Variants in DENND5B observed in about 807,000 individuals in gnomAD.
DENND5B encodes the protein DENN domain containing 5B.
DENND5B carries 34 observed loss-of-function variants against 140.6 expected under a neutral mutation model. That is an observed-to-expected ratio of 0.24 (90% CI 0.18 to 0.32). The LOEUF (loss-of-function observed/expected upper bound fraction) is 0.32, where lower values mean the gene tolerates loss of function less well. Among genes scored for constraint, DENND5B ranks in the 10% least tolerant of loss-of-function variants. The pLI, the probability that DENND5B is intolerant of heterozygous loss-of-function variation, is 1.00. For synonymous variants in DENND5B, 551 were observed against 562.1 expected (o/e 0.98, Z 0.28); for missense variants, 1,142 against 1,560.2 (o/e 0.73, Z 4.52).
At position 31,387,674 on chromosome 12, in the gene DENND5B, G is replaced by A. The variant is rs981331087; in HGVS notation, c.3754C>T (p.Arg1252Ter). The change falls in exon 21 of 21, where the codon CGA becomes TGA. Residue 1252 changes from arginine (R) to a stop codon, truncating the protein, a stop_gained. Coordinates refer to ENST00000389082, the MANE Select transcript of DENND5B (RefSeq NM_144973.4). LOFTEE classifies it high-confidence loss of function. ...AAGTCCTGAATGGTCTGCAGAATTC[G>A]GATAAGGGAGTTGACAGTCATGCGG... ...RDRMTVNSLI[R>*]ILQTIQDFTI... 6.2e-7 allele frequency: 1 copy of A among 1,614,012 alleles called. No homozygotes were observed. Among genetic ancestry groups the A allele is most frequent in the Non-Finnish European group, 8.5e-7 (1 of 1,179,890 alleles).
At chr12:31,491,478 C>T (rs1014707314) in intron 2 of DENND5B, among the ~76,000 whole-genome samples, 1 of 151,556 alleles carries the variant, frequency 6.6e-6, no homozygotes, top group Non-Finnish European at 1.5e-5. Context: ...ATTAAATGTA[C>T]TGCACTCCAA....
intron 1 of DENND5B, among the ~76,000 whole-genome samples, chr12:31,518,013 C>CG (rs1947731520): frequency 6.6e-6 from 1 of 152,182 alleles, no homozygotes; most frequent in Admixed American, 6.5e-5. Flanking sequence ...AATAAAAAGC[C>CG]TGAGTTCCCA....
chr12:31,499,234 C>G (rs1294913795), intron 1 of DENND5B, among the ~76,000 whole-genome samples: 1 of 152,018 alleles, frequency 6.6e-6, no homozygotes, highest in African/African-American at 2.4e-5. Flanking sequence ...TAAAATTTAC[C>G]TTTTAAATAT....
At chr12:31,404,759 CTTT>C (rs71062425) in intron 14 of DENND5B, among the ~76,000 whole-genome samples, 1 of 74,064 alleles carries the variant, frequency 1.4e-5, no homozygotes, top group Non-Finnish European at 2.4e-5. Context: ...CGACCTCTAG[CTTT>C]TTTTTTTTTT....
chr12:31,411,332 C>T (rs200990464), intron 13 of DENND5B, among the ~76,000 whole-genome samples: 1,669 of 141,106 alleles, frequency 0.012, 19 homozygotes, highest in East Asian at 0.034. Context: ...CCAACACGCC[C>T]GGCCTTTTTT....
Position 31,452,186 on chromosome 12 carries a change from G to A in DENND5B, c.1383C>T (p.Ala461=), listed in dbSNP as rs1486082194. 1 of 1,613,958 alleles carries A rather than the reference G, an allele frequency of 6.2e-7. No homozygotes were observed. ...NETIARLQAL[A]KRTGVAVEKM... is the part of the protein sequence containing the mutation. ...TTTCCACAGCCACACCAGTACGCTT[G>A]GCCAGAGCCTGCAAGCGGGCTATGG... Residue 461 remains alanine, a synonymous_variant, in exon 5 of 21, where the codon GCC becomes GCT. Transcript: ENST00000389082.
At chr12:31,416,281 T>C (rs1282369674) in intron 11 of DENND5B, among the ~76,000 whole-genome samples, 4 of 151,696 alleles carry the variant, frequency 2.6e-5, no homozygotes, top group Non-Finnish European at 4.4e-5. Flanking sequence ...TTTTTAAATA[T>C]AGTCTTGCTC....
intron 1 of DENND5B, among the ~76,000 whole-genome samples, chr12:31,537,006 A>G (rs1002346779): frequency 6.6e-6 from 1 of 152,234 alleles, no homozygotes; most frequent in African/African-American, 2.4e-5. Context: ...ATAGAGAAAT[A>G]AAGACTTTCC....
chr12:31,488,538 T>C (rs778608096), intron 2 of DENND5B, among the ~76,000 whole-genome samples: 12 of 152,180 alleles, frequency 7.9e-5, no homozygotes, highest in Admixed American at 1.3e-4. Context: ...AGACAACAGA[T>C]GTAAGAATTT....
Position 31,389,429 on chromosome 12 carries a change from T to G in DENND5B, c.3536A>C (p.Lys1179Thr). The G allele has an allele frequency of 6.2e-7, 1 of 1,609,734 alleles. No individual in the cohort carries two copies. The highest frequency in any genetic ancestry group is 8.5e-7 in the Non-Finnish European group (1 of 1,177,830). ...GTGGCAGAAGGTTTTGCAGGATGAT[T>G]TCTGAATAAGGACATCATCTTCATT... is the stretch of plus-strand genomic sequence containing the variant. ...LDNEDDVLIQ[K>T]SSCKTFCHYV... The change falls in exon 20 of 21, where the codon AAA becomes ACA. Residue 1179 changes from lysine to threonine, a missense_variant. By Grantham distance (78) the Lys-to-Thr change is moderately conservative (BLOSUM62 -1). This residue lies in a region of DENND5B where 125 missense variants were observed against 179.0 expected (regional missense o/e 0.70). Coordinates refer to ENST00000389082, the MANE Select transcript of DENND5B (RefSeq NM_144973.4).
At position 31,402,583 on chromosome 12, in the gene DENND5B, G is replaced by C. The variant is rs774962523; in HGVS notation, c.2864C>G (p.Ser955Ter). 1 of 1,613,902 alleles carries C rather than the reference G, an allele frequency of 6.2e-7. No homozygotes were observed. Among genetic ancestry groups the C allele is most frequent in the Admixed American group, 1.7e-5 (1 of 60,022 alleles). Reference sequence around the variant, plus strand: ...TCCTGATACACAGATCCAAGGGTTTGATGTGATTATTGCATTGCTCAGCTT... The same window carrying C: ...TCCTGATACACAGATCCAAGGGTTTCATGTGATTATTGCATTGCTCAGCTT... Reference protein sequence around the residue: ...IKKLSNAIITSNPWICVSGEL... With the variant: ...IKKLSNAIIT The change falls in exon 15 of 21, where the codon TCA (serine) becomes TGA (stop). Residue 955 changes from serine to a stop codon, truncating the protein, a stop_gained. Transcript: ENST00000389082. LOFTEE classifies it high-confidence loss of function.
intron 4 of DENND5B, among the ~76,000 whole-genome samples, chr12:31,455,583 T>TA (rs1166177851): frequency 6.6e-6 from 1 of 152,104 alleles, no homozygotes; most frequent in African/African-American, 2.4e-5. Context: ...ACCATTAAAT[T>TA]AAAAAAAATT....
intron 1 of DENND5B, among the ~76,000 whole-genome samples, chr12:31,580,597 C>T (rs1445520452): frequency 6.6e-6 from 1 of 152,182 alleles, no homozygotes; most frequent in Non-Finnish European, 1.5e-5. Context: ...TGGGTTCAAG[C>T]GATTCTCGTG....
intron 7 of DENND5B, among the ~76,000 whole-genome samples, chr12:31,434,826 TA>T (rs1412228841): frequency 6.6e-6 from 1 of 152,086 alleles, no homozygotes; most frequent in Non-Finnish European, 1.5e-5. Flanking sequence ...GACATCACAC[TA>T]AATCAAATGG....
intron 15 of DENND5B, among the ~76,000 whole-genome samples, chr12:31,401,885 A>G (rs968333907): frequency 2.0e-5 from 3 of 152,114 alleles, no homozygotes; most frequent in African/African-American, 7.2e-5. Flanking sequence ...TTGGTCTCCC[A>G]AAGTGTTGAG....
At chr12:31,548,808 C>G (rs753466024) in intron 1 of DENND5B, among the ~76,000 whole-genome samples, 7 of 152,132 alleles carry the variant, frequency 4.6e-5, no homozygotes, top group Non-Finnish European at 1.0e-4. Flanking sequence ...ACTACAGTCC[C>G]CATATGCAGA....
At chr12:31,428,144 A>C (rs1262700420) in intron 8 of DENND5B, among the ~76,000 whole-genome samples, 1 of 152,068 alleles carries the variant, frequency 6.6e-6, no homozygotes, top group African/African-American at 2.4e-5. Context: ...AGCAGAGGCC[A>C]GGCATTCGAG....
chr12:31,516,387 G>T (rs968038450), intron 1 of DENND5B, among the ~76,000 whole-genome samples: 1 of 150,530 alleles, frequency 6.6e-6, no homozygotes, highest in East Asian at 2.0e-4. Flanking sequence ...GGTTGAACTG[G>T]ATCACCTGAG....
intron 1 of DENND5B, among the ~76,000 whole-genome samples, chr12:31,578,126 C>CAAAAAAA (rs5797421): frequency 3.9e-5 from 3 of 77,308 alleles, no homozygotes; most frequent in South Asian, 5.1e-4. Flanking sequence ...GACGCTGTCT[C>CAAAAAAA]AAAAAAAAAA....
Sources: gnomAD v4.1 joint callset for allele counts (sites outside exome capture counted in the v4.1 genomes callset) on GRCh38, gnomAD v4.1.1 for gene constraint, gnomAD v4.1.1 regional missense constraint, MANE v1.5 for transcripts, NCBI Gene and HGNC (gene_info 2026-07-23, HGNC 2026-07-21) for gene names.